Variants in LRRC1 observed in about 807,000 individuals in gnomAD.
LRRC1 encodes leucine-rich repeat-containing protein 1.
Under a neutral mutation model 69.9 loss-of-function variants are expected in LRRC1, and 28 were observed. The observed-to-expected ratio is 0.40, with a 90% CI of 0.30 to 0.55. The LOEUF is 0.55. Among genes scored for constraint, LRRC1 ranks in the 20% least tolerant of loss-of-function variants. LRRC1 has a pLI of 0.47. For synonymous variants in LRRC1, 236 were observed against 240.2 expected (o/e 0.98, Z 0.16); for missense variants, 498 against 609.0 (o/e 0.82, Z 1.92).
chr6:53,922,869 A>G lies in LRRC1; in HGVS notation c.*76A>G. On this transcript the variant is annotated 3_prime_UTR_variant, in exon 14 of 14. Coordinates refer to ENST00000370888, the MANE Select transcript of LRRC1 (RefSeq NM_018214.5). Reference sequence around the variant, plus strand: ...TTCCTGTCTGCTTCCCGGGAGCCTCACGTGCTCCTTGTCCTAACCAGCCCC... The same window carrying G: ...TTCCTGTCTGCTTCCCGGGAGCCTCGCGTGCTCCTTGTCCTAACCAGCCCC... 6.9e-7 allele frequency: 1 copy of G among 1,449,210 alleles called. No individual in the cohort carries two copies. The highest frequency in any genetic ancestry group is 9.5e-7 in the Non-Finnish European group (1 of 1,054,028). 89.8% of individuals were successfully genotyped at this position (1,449,210 alleles called of 1,614,324 possible). A position where few individuals can be genotyped will look rare whatever the true frequency, so the allele number is the denominator to read the frequency against.
intron 1 of LRRC1, among the ~76,000 whole-genome samples, chr6:53,800,396 C>T (rs976967820): frequency 2.6e-5 from 4 of 151,456 alleles, no homozygotes; most frequent in Non-Finnish European, 4.4e-5. Flanking sequence ...GGATTACAGG[C>T]GCACACCACC....
At chr6:53,870,161 C>G (rs1423234468) in intron 2 of LRRC1, among the ~76,000 whole-genome samples, 1 of 152,146 alleles carries the variant, frequency 6.6e-6, no homozygotes, top group African/African-American at 2.4e-5. Context: ...GCTGTGTTCT[C>G]TGGCAATTGT....
intron 11 of LRRC1, among the ~76,000 whole-genome samples, chr6:53,914,972 C>A (rs979848203): frequency 4.6e-5 from 7 of 152,184 alleles, no homozygotes; most frequent in African/African-American, 1.7e-4. Flanking sequence ...TAATGGATGC[C>A]TGGTAAATAT....
intron 1 of LRRC1, among the ~76,000 whole-genome samples, chr6:53,819,654 G>T (rs928765268): frequency 6.6e-6 from 1 of 151,998 alleles, no homozygotes; most frequent in Admixed American, 6.6e-5. Context: ...GATGTGTGCC[G>T]CCATCCTGTC....
At chr6:53,851,173 GACACACACAC>G (rs3222575) in intron 2 of LRRC1, among the ~76,000 whole-genome samples, 1,966 of 144,772 alleles carry the variant, frequency 0.014, 43 homozygotes, top group African/African-American at 0.047. Context: ...GAACTAATAG[GACACACACAC>G]ACACACACAC....
At chr6:53,799,720 T>C (rs2127401344) in intron 1 of LRRC1, among the ~76,000 whole-genome samples, 1 of 152,364 alleles carries the variant, frequency 6.6e-6, no homozygotes, top group Non-Finnish European at 1.5e-5. Flanking sequence ...TAAGTCCCTT[T>C]TGCCTTAAAC....
Position 53,807,337 on chromosome 6 carries a change from G to A in LRRC1, c.159+11922G>A, listed in dbSNP as rs971678849. Among the ~76,000 whole-genome samples, 12 of 152,276 alleles carry A rather than the reference G, an allele frequency of 7.9e-5. No homozygotes were observed. In the South Asian group the frequency reaches 8.3e-4, roughly 11 times the overall value. ...GAGTGCTGGCTGTGCTTCAGGCATC[G>A]TTCTATCTAGAAAGGCAAATAAATC... On this transcript the variant is annotated intron_variant, in intron 1 of 13. Transcript: ENST00000370888.
At chr6:53,796,212 T>C (rs1391920801) in intron 1 of LRRC1, among the ~76,000 whole-genome samples, 1 of 152,248 alleles carries the variant, frequency 6.6e-6, no homozygotes, top group Non-Finnish European at 1.5e-5. Flanking sequence ...ATGCGTTATC[T>C]CTTCAGAGTT....
intron 11 of LRRC1, among the ~76,000 whole-genome samples, chr6:53,917,934 T>A (rs1167650692): frequency 1.3e-5 from 2 of 152,242 alleles, no homozygotes; most frequent in Non-Finnish European, 2.9e-5. Context: ...TATGCAACAT[T>A]CTTTGGATAG....
intron 11 of LRRC1, 75 bp from the exon 12 acceptor site, chr6:53,919,423 T>G: frequency 8.3e-7 from 1 of 1,210,364 alleles, no homozygotes; most frequent in Non-Finnish European, 1.1e-6. Context: ...TTCCTCATTT[T>G]GTTGATAGGG....
chr6:53,854,063 A>G (rs1048955866), intron 2 of LRRC1, among the ~76,000 whole-genome samples: 3 of 152,204 alleles, frequency 2.0e-5, no homozygotes, highest in Non-Finnish European at 4.4e-5. Context: ...TTCCATAGTC[A>G]TATCTTCTCT....
chr6:53,825,555 G>A (rs1023316328), intron 1 of LRRC1, among the ~76,000 whole-genome samples: 1 of 152,198 alleles, frequency 6.6e-6, no homozygotes, highest in Non-Finnish European at 1.5e-5. Context: ...TCCTGGGGTT[G>A]TAGAATCAGG....
At chr6:53,869,795 A>G (rs535831123) in intron 2 of LRRC1, among the ~76,000 whole-genome samples, 1 of 152,220 alleles carries the variant, frequency 6.6e-6, no homozygotes, top group Non-Finnish European at 1.5e-5. Flanking sequence ...AGCCCAAGGA[A>G]CTTGAGAGCT....
chr6:53,801,191 G>A (rs1486391502), intron 1 of LRRC1, among the ~76,000 whole-genome samples: 7 of 152,276 alleles, frequency 4.6e-5, no homozygotes, highest in African/African-American at 1.4e-4. Context: ...GGGTCACAGC[G>A]CACATTGGTG....
At position 53,872,193 on chromosome 6, in the gene LRRC1, A is replaced by C. The variant is rs550547967; in HGVS notation, c.278-6800A>C. ...ATATCCGGTTTTTCCAGCGCACCTA[A>C]TGTGTGTTTTTGGCACCTTTGTTGA... On this transcript the variant is annotated intron_variant, in intron 2 of 13. Coordinates refer to ENST00000370888, the MANE Select transcript of LRRC1 (RefSeq NM_018214.5). Among the ~76,000 whole-genome samples, 334 of 152,042 alleles carry C rather than the reference A, an allele frequency of 2.2e-3. 1 individual carries two copies. Among genetic ancestry groups the C allele is most frequent in the Non-Finnish European group, 1.8e-3 (125 of 67,978 alleles).
At chr6:53,871,418 T>G (rs1424061253) in intron 2 of LRRC1, among the ~76,000 whole-genome samples, 1 of 152,256 alleles carries the variant, frequency 6.6e-6, no homozygotes, top group Non-Finnish European at 1.5e-5. Flanking sequence ...GTGTACTTGT[T>G]AGCCATTTGT....
chr6:53,832,697 C>A (rs955312910), intron 1 of LRRC1, among the ~76,000 whole-genome samples: 1 of 152,032 alleles, frequency 6.6e-6, no homozygotes, highest in Admixed American at 6.5e-5. Context: ...GAAAAACAAC[C>A]CTTTCTAGAT....
rs1213555751 is a variant in LRRC1 at position 53,879,076 on chromosome 6, G to A, written c.356+5G>A. ...CAGCGGAAACCCACTGACTAGGTAA[G>A]CTTTCTGCTTACTTTTCTGTCTATA... On this transcript the variant is annotated splice_donor_5th_base_variant and intron_variant, in intron 3 of 13. Transcript: ENST00000370888. 2 of 1,605,502 alleles carry A rather than the reference G, an allele frequency of 1.2e-6. No individual in the cohort carries two copies. The highest frequency in any genetic ancestry group is 2.2e-5 in the South Asian group (2 of 90,616).
chr6:53,870,778 T>C (rs2127426848), intron 2 of LRRC1, among the ~76,000 whole-genome samples: 1 of 152,312 alleles, frequency 6.6e-6, no homozygotes, highest in South Asian at 2.1e-4. Flanking sequence ...TCAACTTTTT[T>C]CCCATCCCCT....
Sources: allele counts gnomAD v4.1 joint callset (sites outside exome capture counted in the v4.1 genomes callset), GRCh38; gene constraint gnomAD v4.1.1; transcripts MANE v1.5; gene names NCBI Gene and HGNC (gene_info 2026-07-23, HGNC 2026-07-21).